RBMS1: variants seen among roughly 807,000 people sequenced by gnomAD.
The protein encoded by RBMS1 is RNA-binding motif, single-stranded-interacting protein 1.
Under a neutral mutation model 62.3 loss-of-function variants are expected in RBMS1, and 17 were observed. That is an observed-to-expected ratio of 0.27 (90% CI 0.19 to 0.41). The LOEUF (loss-of-function observed/expected upper bound fraction) is 0.41, where lower values mean the gene tolerates loss of function less well. Among genes scored for constraint, RBMS1 ranks in the 10% least tolerant of loss-of-function variants. The probability of loss-of-function intolerance (pLI) is 1.00; values close to 1 mark genes in which losing one functional copy is unlikely to be tolerated. For synonymous variants in RBMS1, 172 were observed against 170.0 expected (o/e 1.01, Z -0.09); for missense variants, 334 against 504.5 (o/e 0.66, Z 3.24).
At chr2:160,403,711 T>G (rs1200833532) in intron 1 of RBMS1, among the ~76,000 whole-genome samples, 2 of 151,986 alleles carry the variant, frequency 1.3e-5, no homozygotes, top group Non-Finnish European at 2.9e-5. Flanking sequence ...TTGCATTCAC[T>G]CCCCTACCTC....
chr2:160,314,623 C>T (rs1194374480), intron 3 of RBMS1, among the ~76,000 whole-genome samples: 1 of 152,004 alleles, frequency 6.6e-6, no homozygotes, highest in African/African-American at 2.4e-5. Context: ...ATGGAGCAGA[C>T]TATTGACTAC....
At chr2:160,428,106 T>C (rs1682721469) in intron 1 of RBMS1, among the ~76,000 whole-genome samples, 1 of 152,052 alleles carries the variant, frequency 6.6e-6, no homozygotes, top group Non-Finnish European at 1.5e-5. Flanking sequence ...GCCTACATAT[T>C]TTAATCACCA....
At chr2:160,295,740 A>T (rs1206397763) in intron 6 of RBMS1, among the ~76,000 whole-genome samples, 4 of 152,146 alleles carry the variant, frequency 2.6e-5, no homozygotes, top group African/African-American at 4.8e-5. Flanking sequence ...AAAAAAAGAG[A>T]CTGTCTAACC....
intron 1 of RBMS1, among the ~76,000 whole-genome samples, chr2:160,388,638 TCCCCAGC>T (rs932484429): frequency 6.6e-6 from 1 of 152,126 alleles, no homozygotes; most frequent in African/African-American, 2.4e-5. Flanking sequence ...GACTTGTCAC[TCCCCAGC>T]AGGAAAAGGC....
chr2:160,401,645 A>G (rs1182286913), intron 1 of RBMS1, among the ~76,000 whole-genome samples: 1 of 152,254 alleles, frequency 6.6e-6, no homozygotes, highest in Non-Finnish European at 1.5e-5. Flanking sequence ...TGAAAATCAA[A>G]TACACAAACA....
At chr2:160,334,439 T>C (rs1691456782) in intron 2 of RBMS1, among the ~76,000 whole-genome samples, 1 of 152,172 alleles carries the variant, frequency 6.6e-6, no homozygotes, top group Non-Finnish European at 1.5e-5. Context: ...GGCGGTACCA[T>C]TAATCCTGTT....
At chr2:160,440,637 G>A (rs1036733560) in intron 1 of RBMS1, among the ~76,000 whole-genome samples, 2 of 152,180 alleles carry the variant, frequency 1.3e-5, no homozygotes, top group Admixed American at 6.5e-5. Context: ...TGGCACAGAA[G>A]TGGAAATATA....
At chr2:160,433,568 T>G (rs182425541) in intron 1 of RBMS1, among the ~76,000 whole-genome samples, 3 of 152,354 alleles carry the variant, frequency 2.0e-5, no homozygotes, top group Admixed American at 1.3e-4. Flanking sequence ...TAACAAACAT[T>G]AAGTGACACT....
At chr2:160,452,966 T>C (rs1005367527) in intron 1 of RBMS1, among the ~76,000 whole-genome samples, 3 of 152,166 alleles carry the variant, frequency 2.0e-5, no homozygotes, top group Non-Finnish European at 2.9e-5. Flanking sequence ...CCTTAGTATC[T>C]TCATCTGTAG....
intron 10 of RBMS1, among the ~76,000 whole-genome samples, chr2:160,280,697 T>C (rs1332497666): frequency 1.3e-5 from 2 of 152,208 alleles, no homozygotes; most frequent in South Asian, 2.1e-4. Context: ...TTAGCCTTAT[T>C]GTAACTTTGT....
intron 1 of RBMS1, among the ~76,000 whole-genome samples, chr2:160,450,557 AAAAAAT>A (rs1392157971): frequency 5.4e-5 from 2 of 37,318 alleles, no homozygotes; most frequent in African/African-American, 7.4e-5. Flanking sequence ...AATAAAAAAT[AAAAAAT>A]GAAAAAAAAA....
At position 160,365,754 on chromosome 2, in the gene RBMS1, GTTCCTTAGAC is replaced by G. The variant is rs1204131401; in HGVS notation, c.251+1452_251+1461del. Among the ~76,000 whole-genome samples the G allele has an allele frequency of 2.6e-5, 4 of 152,130 alleles. No individual in the cohort carries two copies. In the East Asian group the frequency reaches 7.7e-4, roughly 29 times the overall value. The stretch of plus-strand genomic sequence containing the variant: ...TCTGCTTCTTACAGTCATATTTTTA[GTTCCTTAGAC>G]TTTATGGTGCTCTTATCTACCTGTA... On this transcript the variant is annotated intron_variant, in intron 2 of 13. Coordinates refer to ENST00000348849, the MANE Select transcript of RBMS1 (RefSeq NM_016836.4).
chr2:160,364,636 C>T (rs1016592715), intron 2 of RBMS1, among the ~76,000 whole-genome samples: 3 of 152,208 alleles, frequency 2.0e-5, no homozygotes, highest in African/African-American at 7.2e-5. Context: ...TCTAACATTA[C>T]AGCATCTCTA....
intron 9 of RBMS1, chr2:160,283,378 G>A (rs1430936523): frequency 6.6e-6 from 1 of 152,094 alleles, no homozygotes; most frequent in African/African-American, 2.4e-5. Flanking sequence ...GAAAGGATAG[G>A]AATCCTAAAT....
intron 1 of RBMS1, among the ~76,000 whole-genome samples, chr2:160,389,559 G>A (rs1369520225): frequency 2.6e-5 from 4 of 151,662 alleles, no homozygotes; most frequent in Non-Finnish European, 4.4e-5. Context: ...TTAGCCAGGC[G>A]GGGTGGCGCA....
At position 160,286,740 on chromosome 2, in the gene RBMS1, C is replaced by T. The variant is rs529654161; in HGVS notation, c.756+229G>A. Among the ~76,000 whole-genome samples the T allele has an allele frequency of 1.2e-4, 18 of 152,264 alleles. No individual in the cohort carries two copies. In the East Asian group the frequency reaches 2.1e-3, roughly 18 times the overall value. Reference sequence around the variant, plus strand: ...GCTAGCTGGTAAACACAGCTGCTTCCACCACCTATCGGTCCATCTGGAGAA... The same window carrying T: ...GCTAGCTGGTAAACACAGCTGCTTCTACCACCTATCGGTCCATCTGGAGAA... On this transcript the variant is annotated intron_variant, in intron 7 of 13. Transcript: ENST00000348849.
intron 1 of RBMS1, among the ~76,000 whole-genome samples, chr2:160,370,560 A>G (rs1693671599): frequency 6.6e-6 from 1 of 152,230 alleles, no homozygotes; most frequent in Admixed American, 6.5e-5. Context: ...CCCATTGTGC[A>G]GATTAGGAAA....
At chr2:160,441,773 T>A (rs943618196) in intron 1 of RBMS1, among the ~76,000 whole-genome samples, 2 of 152,190 alleles carry the variant, frequency 1.3e-5, no homozygotes, top group Non-Finnish European at 2.9e-5. Flanking sequence ...CACTTTACAT[T>A]TCCACTATGA....
chr2:160,424,142 C>A (rs1237730334), intron 1 of RBMS1, among the ~76,000 whole-genome samples: 1 of 151,816 alleles, frequency 6.6e-6, no homozygotes, highest in Non-Finnish European at 1.5e-5. Flanking sequence ...CCTCAGCCTC[C>A]CAAGTAGCTG....
Sources: allele counts gnomAD v4.1 joint callset (sites outside exome capture counted in the v4.1 genomes callset), GRCh38; gene constraint gnomAD v4.1.1; transcripts MANE v1.5; gene names NCBI Gene and HGNC (gene_info 2026-07-23, HGNC 2026-07-21).